Variants in PHKG2 observed in about 807,000 individuals in gnomAD.
PHKG2 encodes phosphorylase kinase catalytic subunit gamma 2.
In PHKG2, 28 loss-of-function variants were observed where a neutral mutation model predicts 44.5. The ratio of observed to expected loss-of-function variants is 0.63; its 90% confidence interval spans 0.47 to 0.86. The LOEUF is 0.86. PHKG2 is among the 40% of genes least tolerant of loss of function. The probability of loss-of-function intolerance (pLI) is 0.00; values close to 1 mark genes in which losing one functional copy is unlikely to be tolerated. For synonymous variants in PHKG2, 220 were observed against 211.2 expected (o/e 1.04, Z -0.36); for missense variants, 498 against 547.5 (o/e 0.91, Z 0.90).
intron 6 of PHKG2, 92 bp downstream of exon 6, chr16:30,753,649 C>T (rs1347570715): frequency 7.7e-7 from 1 of 1,303,570 alleles, no homozygotes; most frequent in East Asian, 2.3e-5. Context: ...GTCCCTGGTG[C>T]CAAGAAAAAG....
rs28436836 is a variant in PHKG2 at position 30,749,091 on chromosome 16, C to G, written c.95+176C>G. Among the ~76,000 whole-genome samples, 78 of 12,226 alleles carry G rather than the reference C, an allele frequency of 6.4e-3. 10 individuals carry two copies. The highest frequency in any genetic ancestry group is 0.029 in the Middle Eastern group (1 of 34). The allele number at this position is 12,226 out of a possible 152,430, so 8.0% of individuals were successfully genotyped here. A position where few individuals can be genotyped will look rare whatever the true frequency, so the allele number is the denominator to read the frequency against. ...GGTGGTGGTGGTGGTGGTGGTGGTG[C>G]TGCTGCTGCTGCTGCTGCTGGTGGT... is the stretch of plus-strand genomic sequence containing the variant. On this transcript the variant is annotated intron_variant, in intron 2 of 9. Coordinates refer to ENST00000563588, the MANE Select transcript of PHKG2 (RefSeq NM_000294.3).
intron 1 of PHKG2, 62 bp from the exon 2 acceptor site, chr16:30,748,741 C>T (rs2053288378): frequency 9.9e-7 from 1 of 1,012,684 alleles, no homozygotes; most frequent in Non-Finnish European, 1.5e-6. Context: ...CGGGAGCCGC[C>T]ATGCGGGTCG....
chr16:30,757,520 G>A lies in PHKG2; in HGVS notation c.*423G>A, dbSNP rs1245388275. 6.2e-7 allele frequency: 1 copy of A among 1,614,198 alleles called. No homozygotes were observed. Among genetic ancestry groups the A allele is most frequent in the East Asian group, 2.2e-5 (1 of 44,890 alleles). On this transcript the variant is annotated 3_prime_UTR_variant, in exon 10 of 10. Coordinates refer to ENST00000563588, the MANE Select transcript of PHKG2 (RefSeq NM_000294.3). Reference sequence around the variant, plus strand: ...CCTTTACCCGGAGGTAGCTGGAAGGGCCGCTCTAGTGCAGTCAACTTGCTG... The same window carrying A: ...CCTTTACCCGGAGGTAGCTGGAAGGACCGCTCTAGTGCAGTCAACTTGCTG...
rs779291634 is a variant in PHKG2 at position 30,759,447 on chromosome 16, G to C, written c.*2350G>C. On this transcript the variant is annotated 3_prime_UTR_variant, in exon 10 of 10. Coordinates refer to ENST00000563588, the MANE Select transcript of PHKG2 (RefSeq NM_000294.3). ...GTTCCTCTTTGAAGAGGTCGATGCT[G>C]AAAGGAGGCCGCTGTGGTGGTGACT... 5.0e-6 allele frequency: 8 copies of C among 1,614,230 alleles called. No individual in the cohort carries two copies. In the South Asian group the frequency reaches 6.6e-5, roughly 13 times the overall value.
At position 30,760,682 on chromosome 16, in the gene PHKG2, A is replaced by C; in HGVS notation, c.*3585A>C. 1 of 1,522,380 alleles carries C rather than the reference A, an allele frequency of 6.6e-7. No individual in the cohort carries two copies. Among genetic ancestry groups the C allele is most frequent in the Non-Finnish European group, 8.8e-7 (1 of 1,141,590 alleles). 94.3% of individuals were successfully genotyped at this position (1,522,380 alleles called of 1,614,324 possible). ...TCCAGGTACTTCCTGTTATAGTAAA[A>C]GAAAAAGAGTATTGGTGGCCGTTAC... On this transcript the variant is annotated 3_prime_UTR_variant, in exon 10 of 10. Coordinates refer to ENST00000563588, the MANE Select transcript of PHKG2 (RefSeq NM_000294.3).
rs756414222 is a variant in PHKG2 at position 30,753,309 on chromosome 16, G to T, written c.392+12G>T. On this transcript the variant is annotated intron_variant, in intron 5 of 9. Transcript: ENST00000563588. ...GAAAAGGAAACCAGGTAAGGGTTGA[G>T]CCTGAAGCCCCAGGGGTGAGCAGGG... 3 of 1,613,860 alleles carry T rather than the reference G, an allele frequency of 1.9e-6. No individual in the cohort carries two copies. The highest frequency in any genetic ancestry group is 2.5e-6 in the Non-Finnish European group (3 of 1,179,908).
chr16:30,749,243 CTGGTGCTGG>C (rs1159281386), intron 2 of PHKG2, among the ~76,000 whole-genome samples: 83 of 109,972 alleles, frequency 7.5e-4, no homozygotes, highest in African/African-American at 2.3e-3. Flanking sequence ...GGTGGTGGTG[CTGGTGCTGG>C]TGGTGCTGGT....
In PHKG2 at chr16:30,759,757, CCT is replaced by C. The variant is rs747188865; in HGVS notation, c.*2665_*2666del. ...GGAAAGCAAGATGCAGCAGTGAGGC[CCT>C]CTCTGGTATCCATTCATTCACTTCA... On this transcript the variant is annotated 3_prime_UTR_variant, in exon 10 of 10. Coordinates refer to ENST00000563588, the MANE Select transcript of PHKG2 (RefSeq NM_000294.3). 1.3e-6 allele frequency: 2 copies of C among 1,579,838 alleles called. No individual in the cohort carries two copies. Among genetic ancestry groups the C allele is most frequent in the African/African-American group, 1.4e-5 (1 of 73,982 alleles).
chr16:30,753,342 C>T (rs1555467218), intron 5 of PHKG2, 45 bp downstream of exon 5: 2 of 1,613,396 alleles, frequency 1.2e-6, no homozygotes, highest in South Asian at 1.1e-5. Flanking sequence ...GGGGGTGGGA[C>T]AGGGCAGGGA....
In PHKG2 at chr16:30,757,549, A is replaced by G; in HGVS notation, c.*452A>G. 6.2e-7 allele frequency: 1 copy of G among 1,614,216 alleles called. No homozygotes were observed. The highest frequency in any genetic ancestry group is 1.1e-5 in the South Asian group (1 of 91,090). On this transcript the variant is annotated 3_prime_UTR_variant, in exon 10 of 10. Coordinates refer to ENST00000563588, the MANE Select transcript of PHKG2 (RefSeq NM_000294.3). ...CTCTAGTGCAGTCAACTTGCTGCTG[A>G]GCCTTTCCTCGCTGGCCTTGAGCCG... is the stretch of plus-strand genomic sequence containing the variant.
chr16:30,751,237 G>A lies in PHKG2; in HGVS notation c.227G>A (p.Arg76Gln), dbSNP rs138299462. The change falls in exon 3 of 10, where the codon CGA (arginine) becomes CAA (glutamine). Residue 76 changes from arginine to glutamine, a missense_variant. By Grantham distance (43) the Arg-to-Gln change is conservative (BLOSUM62 1). Transcript: ENST00000563588. ...GAGGAGGTGCGGGAAGCCACACGGC[G>A]AGAGACACACATCCTTCGCCAGGTC... ...QLEEVREATR[R>Q]ETHILRQVAG... The A allele has an allele frequency of 1.1e-4, 176 of 1,612,884 alleles. No individual in the cohort carries two copies. The Middle Eastern group carries it at 1.2e-3, about 11-fold the overall frequency.
chr16:30,751,368 T>A, intron 3 of PHKG2, 87 bp downstream of exon 3: 1 of 1,409,866 alleles, frequency 7.1e-7, no homozygotes, highest in Non-Finnish European at 1.0e-6. Context: ...CAACATTGCC[T>A]CCACACCTCT....
chr16:30,754,671 C>T (rs1274944779), intron 6 of PHKG2, among the ~76,000 whole-genome samples: 5 of 152,118 alleles, frequency 3.3e-5, no homozygotes, highest in African/African-American at 4.8e-5. Flanking sequence ...GGATGTTGTA[C>T]TTTAAAACCC....
chr16:30,757,038 G>T lies in PHKG2; in HGVS notation c.1162G>T (p.Glu388Ter). 1 of 1,612,822 alleles carries T rather than the reference G, an allele frequency of 6.2e-7. No individual in the cohort carries two copies. Reference sequence around the variant, plus strand: ...TGGGCCTTTTCCCATCATGGGCCCTGAAGAGGAGGGAGACTCTGCTGCTAT... The same window carrying T: ...TGGGCCTTTTCCCATCATGGGCCCTTAAGAGGAGGGAGACTCTGCTGCTAT... The part of the protein sequence containing the change: ...PPGPFPIMGP[E>*]EEGDSAAITE... The change falls in exon 10 of 10, where the codon GAA becomes TAA. Residue 388 changes from glutamate to a stop codon, truncating the protein, a stop_gained. Transcript: ENST00000563588. LOFTEE classifies it high-confidence loss of function.
rs755996498 is a variant in PHKG2, at chr16:30,759,202, T to G, written c.*2105T>G. The G allele has an allele frequency of 1.2e-6, 2 of 1,614,222 alleles. No individual in the cohort carries two copies. Among genetic ancestry groups the G allele is most frequent in the South Asian group, 2.2e-5 (2 of 91,088 alleles). On this transcript the variant is annotated 3_prime_UTR_variant, in exon 10 of 10. Transcript: ENST00000563588. ...CCCGTCTCACTCTCTGGCCACAGTT[T>G]GGGTGGCTGTAGCCCCATGTAAGTC...
chr16:30,756,155 C>A (rs979180770), intron 6 of PHKG2, 27 bp from the exon 7 acceptor site: 1 of 1,561,150 alleles, frequency 6.4e-7, no homozygotes, highest in Admixed American at 1.7e-5. Flanking sequence ...TGGTGGCATC[C>A]CCTCAATCTT....
chr16:30,749,102 GCTGC>G (rs2053301770), intron 2 of PHKG2, among the ~76,000 whole-genome samples, 187 bp downstream of exon 2: 1 of 56,174 alleles, frequency 1.8e-5, no homozygotes, highest in African/African-American at 5.4e-5. Context: ...TGCTGCTGCT[GCTGC>G]TGCTGGTGGT....
chr16:30,756,548 G>C, intron 8 of PHKG2, 28 bp downstream of exon 8: 1 of 1,612,882 alleles, frequency 6.2e-7, no homozygotes, highest in Non-Finnish European at 8.5e-7. Context: ...GGACAGTAGG[G>C]GAGGCCCAAG....
chr16:30,759,554 G>A lies in PHKG2; in HGVS notation c.*2457G>A. The stretch of plus-strand genomic sequence containing the variant: ...CAACAGGAGCAAGGAGAGCCCACTG[G>A]GGTCTTCACAAGAAGATAAGGGTGA... On this transcript the variant is annotated 3_prime_UTR_variant, in exon 10 of 10. Transcript: ENST00000563588. The A allele has an allele frequency of 6.2e-7, 1 of 1,614,070 alleles. No homozygotes were observed. The highest frequency in any genetic ancestry group is 1.1e-5 in the South Asian group (1 of 91,064).
Sources: allele counts gnomAD v4.1 joint callset (sites outside exome capture counted in the v4.1 genomes callset), GRCh38; gene constraint gnomAD v4.1.1; transcripts MANE v1.5; gene names NCBI Gene and HGNC (gene_info 2026-07-23, HGNC 2026-07-21).